The following WWOX variants were observed in gnomAD, a reference collection of about 807,000 sequenced individuals.
WWOX encodes WW domain containing oxidoreductase.
WWOX carries 69 observed loss-of-function variants against 46.2 expected under a neutral mutation model. The ratio of observed to expected loss-of-function variants is 1.49; its 90% CI spans 1.23 to 1.82. The LOEUF (loss-of-function observed/expected upper bound fraction) is 1.82, where lower values mean the gene tolerates loss of function less well. Among genes scored for constraint, WWOX ranks in the 40% most tolerant of loss-of-function variants. WWOX has a pLI of 0.00. For synonymous variants in WWOX, 359 were observed against 202.6 expected (o/e 1.77, Z -6.56); for missense variants, 919 against 542.6 (o/e 1.69, Z -6.89).
chr16:79,011,211 C>G (rs76337045), intron 8 of WWOX, among the ~76,000 whole-genome samples: 1 of 151,400 alleles, frequency 6.6e-6, no homozygotes, highest in South Asian at 2.1e-4. Context: ...GACATCATCA[C>G]GGCTCACCCT....
intron 5 of WWOX, among the ~76,000 whole-genome samples, chr16:78,192,398 A>C (rs983636332): frequency 6.7e-6 from 1 of 149,008 alleles, no homozygotes; most frequent in Non-Finnish European, 1.5e-5. Flanking sequence ...AGGCTGAGGC[A>C]GGAGAATCAC....
intron 8 of WWOX, among the ~76,000 whole-genome samples, chr16:78,802,257 C>A (rs1169406061): frequency 1.0e-5 from 1 of 97,660 alleles, no homozygotes; most frequent in Non-Finnish European, 1.9e-5. Context: ...GCAAGGCTTT[C>A]TGTCACAGGC....
At chr16:78,954,407 G>C (rs888352443) in intron 8 of WWOX, among the ~76,000 whole-genome samples, 1 of 152,168 alleles carries the variant, frequency 6.6e-6, no homozygotes, top group African/African-American at 2.4e-5. Context: ...TGGATGCATG[G>C]ATGAATGAGT....
intron 8 of WWOX, among the ~76,000 whole-genome samples, chr16:79,067,362 GCT>G (rs2048460592): frequency 6.6e-6 from 1 of 151,964 alleles, no homozygotes; most frequent in Admixed American, 6.6e-5. Context: ...GTCTGCTCTC[GCT>G]CTCTCTCTTT....
chr16:78,878,856 G>T (rs982311074), intron 8 of WWOX, among the ~76,000 whole-genome samples: 1 of 134,002 alleles, frequency 7.5e-6, no homozygotes, highest in Admixed American at 8.3e-5. Context: ...AGGAGTTTGA[G>T]ACCAGCCTGG....
intron 5 of WWOX, among the ~76,000 whole-genome samples, chr16:78,197,268 C>T (rs769614404): frequency 3.9e-5 from 6 of 152,172 alleles, no homozygotes; most frequent in Middle Eastern, 3.2e-3. Flanking sequence ...TCCAAAGCCA[C>T]CTGACTCTTT....
intron 5 of WWOX, among the ~76,000 whole-genome samples, chr16:78,197,798 G>A (rs1253191257): frequency 6.6e-6 from 1 of 152,166 alleles, no homozygotes; most frequent in East Asian, 1.9e-4. Context: ...ACAAGGAGAG[G>A]AGGTGAGCGA....
intron 4 of WWOX, among the ~76,000 whole-genome samples, chr16:78,163,730 G>T (rs2034875344): frequency 6.6e-6 from 1 of 152,168 alleles, no homozygotes; most frequent in African/African-American, 2.4e-5. Context: ...AGAAGCAGAG[G>T]TGCTGGCGAC....
At position 78,879,863 on chromosome 16, in the gene WWOX, G is replaced by A. The variant is rs1385051602; in HGVS notation, c.1057-331745G>A. Among the ~76,000 whole-genome samples, 5 of 130,414 alleles carry A rather than the reference G, an allele frequency of 3.8e-5. No individual in the cohort carries two copies. The Admixed American group carries it at 4.0e-4, about 10-fold the overall frequency. The allele number at this position is 130,414 out of a possible 152,430, so 85.6% of individuals were successfully genotyped here. A position where few individuals can be genotyped will look rare whatever the true frequency, so the allele number is the denominator to read the frequency against. On this transcript the variant is annotated intron_variant, in intron 8 of 8. Coordinates refer to ENST00000566780, the MANE Select transcript of WWOX (RefSeq NM_016373.4). ...TTGTACTCCAGCCTGGGCAACAACAGCAAAACTCTGTCTCAAAAAAAAAAA... is the reference window on the plus strand; with the variant it reads ...TTGTACTCCAGCCTGGGCAACAACAACAAAACTCTGTCTCAAAAAAAAAAA...
chr16:78,919,549 T>C (rs1402581663), intron 8 of WWOX, among the ~76,000 whole-genome samples: 1 of 147,150 alleles, frequency 6.8e-6, no homozygotes, highest in African/African-American at 2.5e-5. Context: ...GAGGGAGTCT[T>C]GCTCTGTCTG....
chr16:78,580,106 C>T (rs916537323), intron 8 of WWOX, among the ~76,000 whole-genome samples: 3 of 149,836 alleles, frequency 2.0e-5, no homozygotes, highest in South Asian at 2.1e-4. Flanking sequence ...CCGAGTCTTG[C>T]TCTGTCACCC....
chr16:79,051,626 A>G (rs2550684), intron 8 of WWOX, among the ~76,000 whole-genome samples: 3 of 152,198 alleles, frequency 2.0e-5, no homozygotes, highest in South Asian at 2.1e-4. Context: ...CGCTGCCTCA[A>G]ATTTCTTTAG....
At chr16:78,134,613 A>T (rs1345162154) in intron 4 of WWOX, among the ~76,000 whole-genome samples, 1 of 152,158 alleles carries the variant, frequency 6.6e-6, no homozygotes, top group African/African-American at 2.4e-5. Context: ...AGCTCTTGGA[A>T]ACATCAGGCA....
chr16:78,614,986 G>A (rs1404869079), intron 8 of WWOX, among the ~76,000 whole-genome samples: 1 of 151,864 alleles, frequency 6.6e-6, no homozygotes, highest in East Asian at 1.9e-4. Flanking sequence ...TTTTGCTCTG[G>A]GCTGTGTTAT....
At chr16:78,999,299 C>T (rs1567472273) in intron 8 of WWOX, among the ~76,000 whole-genome samples, 2 of 152,050 alleles carry the variant, frequency 1.3e-5, no homozygotes, top group Middle Eastern at 3.4e-3. Flanking sequence ...GGAGAAACCC[C>T]GTCTCTACTA....
chr16:78,417,213 C>T (rs922248882), intron 6 of WWOX, among the ~76,000 whole-genome samples: 4 of 152,118 alleles, frequency 2.6e-5, no homozygotes, highest in African/African-American at 7.2e-5. Context: ...GCTGAGACTA[C>T]AGGTGCATGC....
At chr16:78,469,907 G>T (rs1393798276) in intron 8 of WWOX, among the ~76,000 whole-genome samples, 1 of 152,250 alleles carries the variant, frequency 6.6e-6, no homozygotes, top group East Asian at 1.9e-4. Flanking sequence ...GAGCCAATAA[G>T]ATGTAACTGA....
chr16:78,145,605 A>C (rs1188777977), intron 4 of WWOX, among the ~76,000 whole-genome samples: 1 of 152,128 alleles, frequency 6.6e-6, no homozygotes, highest in Admixed American at 6.5e-5. Context: ...TCATCCGCTG[A>C]CTTAAATGTT....
intron 6 of WWOX, among the ~76,000 whole-genome samples, chr16:78,392,314 C>G (rs4632142): frequency 0.062 from 9,361 of 152,096 alleles, 362 homozygotes; most frequent in South Asian, 0.17. Flanking sequence ...ATGCTCCTTA[C>G]GAAAATCTAA....
Sources: gnomAD v4.1 joint callset for allele counts (sites outside exome capture counted in the v4.1 genomes callset) on GRCh38, gnomAD v4.1.1 for gene constraint, MANE v1.5 for transcripts, NCBI Gene and HGNC (gene_info 2026-07-23, HGNC 2026-07-21) for gene names.